GRAMD1B: variants seen among roughly 807,000 people sequenced by gnomAD.
The protein encoded by GRAMD1B is GRAM domain containing 1B, also known as protein Aster-B.
In GRAMD1B, 37 loss-of-function variants were observed where a neutral mutation model predicts 99.7. The ratio of observed to expected loss-of-function variants is 0.37; its 90% CI spans 0.29 to 0.49. GRAMD1B has a LOEUF of 0.49. Ranked by LOEUF, GRAMD1B falls within the 20% of genes least tolerant of loss-of-function variation. The probability of loss-of-function intolerance (pLI) is 0.98; values close to 1 mark genes in which losing one functional copy is unlikely to be tolerated. For synonymous variants in GRAMD1B, 427 were observed against 387.6 expected (o/e 1.10, Z -1.19); for missense variants, 888 against 1,009.2 (o/e 0.88, Z 1.63).
upstream of GRAMD1B, among the ~76,000 whole-genome samples, chr11:123,425,913 G>A (rs1224272381): frequency 2.0e-5 from 3 of 152,204 alleles, no homozygotes; most frequent in African/African-American, 4.8e-5. Context: ...GAGATACCAT[G>A]GGGAGGAGTT....
At chr11:123,417,597 A>G (rs1356974062) in intron 1 of GRAMD1B, among the ~76,000 whole-genome samples, 2 of 152,174 alleles carry the variant, frequency 1.3e-5, no homozygotes, top group Non-Finnish European at 2.9e-5. Flanking sequence ...CAAATGTAGT[A>G]AATGATCACA....
chr11:123,558,466 T>C (rs1946384875), intron 2 of GRAMD1B, among the ~76,000 whole-genome samples: 1 of 152,186 alleles, frequency 6.6e-6, no homozygotes, highest in South Asian at 2.1e-4. Context: ...CGTTCTCGGG[T>C]GCTTTCACAT....
chr11:123,376,292 C>G (rs1946688614), intron 1 of GRAMD1B, among the ~76,000 whole-genome samples: 2 of 152,142 alleles, frequency 1.3e-5, no homozygotes, highest in African/African-American at 2.4e-5. Flanking sequence ...GCCTTTTTTA[C>G]ATGCTTCTAA....
intron 1 of GRAMD1B, among the ~76,000 whole-genome samples, chr11:123,374,019 T>C (rs1946614589): frequency 6.6e-6 from 1 of 152,224 alleles, no homozygotes; most frequent in African/African-American, 2.4e-5. Flanking sequence ...TACTCAGACA[T>C]GCTAGCCGTG....
At chr11:123,399,744 G>C (rs939398655) in intron 1 of GRAMD1B, among the ~76,000 whole-genome samples, 1 of 152,082 alleles carries the variant, frequency 6.6e-6, no homozygotes, top group South Asian at 2.1e-4. Flanking sequence ...TGAGTAGCTG[G>C]AATTAAATGT....
chr11:123,582,808 A>G (rs1488115798), intron 3 of GRAMD1B, among the ~76,000 whole-genome samples: 1 of 152,184 alleles, frequency 6.6e-6, no homozygotes, highest in Non-Finnish European at 1.5e-5. Flanking sequence ...CACAGCAGAC[A>G]TTCGAGGACC....
intron 14 of GRAMD1B, 78 bp from the exon 15 acceptor site, chr11:123,612,683 A>G (rs1592277810): frequency 2.5e-6 from 2 of 792,276 alleles, no homozygotes; most frequent in East Asian, 2.6e-5. Flanking sequence ...ATCTGGCCTT[A>G]ACTCCGAATT....
In GRAMD1B at chr11:123,600,541, T is replaced by C; in HGVS notation, c.1043T>C (p.Leu348Pro). The C allele has an allele frequency of 6.2e-7, 1 of 1,610,254 alleles. No individual in the cohort carries two copies. Among genetic ancestry groups the C allele is most frequent in the Non-Finnish European group, 8.5e-7 (1 of 1,176,652 alleles). The stretch of plus-strand genomic sequence containing the variant: ...TTCCGGCTCTGGCAGAATGCTCTCC[T>C]TGAAAAGGTAAGTACGGCCGAGTTT... ...MMFRLWQNALLEKPLCPKELW... is the reference protein window; with the variant it reads ...MMFRLWQNALPEKPLCPKELW... The change falls in exon 8 of 20, where the codon CTT becomes CCT. Residue 348 changes from leucine to proline, a missense_variant. Coordinates refer to ENST00000635736, the MANE Select transcript of GRAMD1B (RefSeq NM_001387025.1).
At chr11:123,545,731 G>A (rs1944988749) in intron 2 of GRAMD1B, among the ~76,000 whole-genome samples, 1 of 127,924 alleles carries the variant, frequency 7.8e-6, no homozygotes, top group Non-Finnish European at 1.6e-5. Flanking sequence ...TATTATGTAA[G>A]TTTTCATGAA....
intron 2 of GRAMD1B, among the ~76,000 whole-genome samples, chr11:123,577,150 G>T (rs1248372360): frequency 1.3e-5 from 2 of 152,264 alleles, no homozygotes. Context: ...TCGTGCGTCT[G>T]TGTCCACATG....
At chr11:123,386,794 C>T (rs1415611970) in intron 1 of GRAMD1B, among the ~76,000 whole-genome samples, 1 of 152,216 alleles carries the variant, frequency 6.6e-6, no homozygotes, top group Non-Finnish European at 1.5e-5. Flanking sequence ...GCCCAGTCCC[C>T]ACTGGCCACA....
intron 1 of GRAMD1B, among the ~76,000 whole-genome samples, chr11:123,462,566 C>G (rs868561369): frequency 7.2e-5 from 11 of 152,314 alleles, no homozygotes; most frequent in Middle Eastern, 3.4e-3. Flanking sequence ...GCCACCCACC[C>G]CTTCTCCAAG....
At position 123,486,043 on chromosome 11, in the gene GRAMD1B, C is replaced by G. The variant is rs148019833; in HGVS notation, c.452+5150C>G. Reference sequence around the variant, plus strand: ...ATTGTGCATTTGTAAAGTCAATTTACTTAGTGTTACTCAACCCTCAACCTT... The same window carrying G: ...ATTGTGCATTTGTAAAGTCAATTTAGTTAGTGTTACTCAACCCTCAACCTT... On this transcript the variant is annotated intron_variant, in intron 2 of 19. Transcript: ENST00000635736. Among the ~76,000 whole-genome samples the G allele has an allele frequency of 4.7e-3, 722 of 152,136 alleles. 5 individuals are homozygous for G. Among genetic ancestry groups the G allele is most frequent in the African/African-American group, 0.015 (633 of 41,516 alleles).
chr11:123,610,170 G>T lies in GRAMD1B; in HGVS notation c.1777-26G>T, dbSNP rs780600426. 3 of 1,613,246 alleles carry T rather than the reference G, an allele frequency of 1.9e-6. No homozygotes were observed. The East Asian group carries it at 6.7e-5, about 36-fold the overall frequency. On this transcript the variant is annotated intron_variant, in intron 13 of 19. Transcript: ENST00000635736. The surrounding 1 kb of genome is among the most constrained non-coding windows in gnomAD (Gnocchi z 4.1). ...AAGCTTCTTGCTCCTCTTCAGTTTT[G>T]TCCAATGGACCTTTCCTGCCCGCAG... is the stretch of plus-strand genomic sequence containing the variant.
intron 2 of GRAMD1B, among the ~76,000 whole-genome samples, chr11:123,488,282 A>T (rs1164028032): frequency 2.0e-5 from 3 of 152,140 alleles, no homozygotes; most frequent in Non-Finnish European, 2.9e-5. Flanking sequence ...AGTCTATAGC[A>T]CCAGGTAGCT....
At chr11:123,404,426 A>G (rs1258237923) in intron 1 of GRAMD1B, among the ~76,000 whole-genome samples, 4 of 152,238 alleles carry the variant, frequency 2.6e-5, no homozygotes, top group African/African-American at 9.6e-5. Context: ...CATTTCCTTT[A>G]TTTGACTGTT....
At chr11:123,552,144 G>A (rs1385962875) in intron 2 of GRAMD1B, among the ~76,000 whole-genome samples, 1 of 151,972 alleles carries the variant, frequency 6.6e-6, no homozygotes, top group African/African-American at 2.4e-5. Context: ...GCCATCCTGT[G>A]TAGATTCTTG....
intron 1 of GRAMD1B, chr11:123,358,948 C>G (rs2135659245): frequency 6.6e-6 from 1 of 152,390 alleles, no homozygotes; most frequent in East Asian, 1.9e-4. Flanking sequence ...AGTGAAACAT[C>G]AAAGTTACCT....
intron 1 of GRAMD1B, among the ~76,000 whole-genome samples, chr11:123,397,339 T>C (rs908356520): frequency 6.6e-6 from 1 of 152,058 alleles, no homozygotes; most frequent in Non-Finnish European, 1.5e-5. Context: ...ACCCGGGAGT[T>C]TGCAGTGCAG....
Sources: allele counts gnomAD v4.1 joint callset (sites outside exome capture counted in the v4.1 genomes callset), GRCh38; gene constraint gnomAD v4.1.1; non-coding constraint Gnocchi (gnomAD v3.1); transcripts MANE v1.5; gene names NCBI Gene and HGNC (gene_info 2026-07-23, HGNC 2026-07-21).